The following PTPRT variants were observed in gnomAD, a reference collection of about 807,000 sequenced individuals.
The protein encoded by PTPRT is protein tyrosine phosphatase receptor type T.
In PTPRT, 56 loss-of-function variants were observed where a neutral mutation model predicts 176.8. The ratio of observed to expected loss-of-function variants is 0.32; its 90% CI spans 0.26 to 0.40. The LOEUF (loss-of-function observed/expected upper bound fraction) is 0.40. PTPRT is among the 10% of genes least tolerant of loss of function. PTPRT has a pLI of 1.00. For missense variants in PTPRT, 1,540 were observed against 1,908.2 expected (o/e 0.81, Z 3.60); for synonymous variants, 783 against 739.0 (o/e 1.06, Z -0.96).
At chr20:42,094,851 CA>C (rs1409558881) in intron 27 of PTPRT, among the ~76,000 whole-genome samples, 12 of 152,134 alleles carry the variant, frequency 7.9e-5, no homozygotes, top group African/African-American at 2.9e-4. Flanking sequence ...CACTGCACTC[CA>C]GCCTGGGCGA....
At chr20:42,747,704 G>A (rs1050777503) in intron 6 of PTPRT, among the ~76,000 whole-genome samples, 1 of 152,188 alleles carries the variant, frequency 6.6e-6, no homozygotes, top group Admixed American at 6.5e-5. Flanking sequence ...AACTAGTTTG[G>A]TGTGGTTCAA....
intron 24 of PTPRT, 123 bp downstream of exon 24, chr20:42,106,663 C>T: frequency 7.5e-7 from 1 of 1,330,766 alleles, no homozygotes. Flanking sequence ...CTCCCTCCTG[C>T]TTCTCTCACA....
intron 16 of PTPRT, among the ~76,000 whole-genome samples, chr20:42,185,661 T>A (rs1030238208): frequency 5.3e-5 from 8 of 152,340 alleles, no homozygotes; most frequent in African/African-American, 1.7e-4. Flanking sequence ...GTGTGTGATG[T>A]CAGTTGTACT....
the PTPRT span, among the ~76,000 whole-genome samples, chr20:42,067,463 C>A: frequency 1.1e-5 from 1 of 89,492 alleles, no homozygotes; most frequent in South Asian, 5.2e-4. Context: ...TGCATGGATC[C>A]CAGATCCACA....
intron 7 of PTPRT, among the ~76,000 whole-genome samples, chr20:42,592,757 C>G (rs2073602586): frequency 6.6e-6 from 1 of 152,158 alleles, no homozygotes; most frequent in Non-Finnish European, 1.5e-5. Context: ...TTTCTGCTTC[C>G]TGGTTTCCAT....
intron 18 of PTPRT, among the ~76,000 whole-genome samples, chr20:42,136,867 T>A (rs1170720908): frequency 6.6e-6 from 1 of 152,172 alleles, no homozygotes; most frequent in Non-Finnish European, 1.5e-5. Flanking sequence ...ATTCAGCAAG[T>A]TGCCATTGTA....
intron 7 of PTPRT, among the ~76,000 whole-genome samples, chr20:42,666,505 C>G (rs2075319570): frequency 6.6e-6 from 1 of 152,106 alleles, no homozygotes; most frequent in Non-Finnish European, 1.5e-5. Flanking sequence ...TGACTTCTTT[C>G]TCCTGTATTT....
intron 2 of PTPRT, among the ~76,000 whole-genome samples, chr20:42,819,903 C>T (rs2145650863): frequency 6.6e-6 from 1 of 152,252 alleles, no homozygotes. Flanking sequence ...AATACAGGAG[C>T]ACCCAGATTC....
chr20:43,057,845 G>T (rs897570913), intron 1 of PTPRT, among the ~76,000 whole-genome samples: 3 of 152,180 alleles, frequency 2.0e-5, no homozygotes, highest in Non-Finnish European at 4.4e-5. Flanking sequence ...TTAGTCACAT[G>T]ATTATTTGTT....
At chr20:42,897,829 G>A (rs986249423) in intron 1 of PTPRT, among the ~76,000 whole-genome samples, 12 of 152,182 alleles carry the variant, frequency 7.9e-5, no homozygotes, top group Non-Finnish European at 1.6e-4. Flanking sequence ...TCTTAAGGCT[G>A]TTATGAGGAT....
At chr20:42,138,724 T>A (rs184869664) in intron 18 of PTPRT, among the ~76,000 whole-genome samples, 7 of 152,328 alleles carry the variant, frequency 4.6e-5, no homozygotes, top group Admixed American at 3.3e-4. Context: ...TACCCATTCA[T>A]TTCCTTCCCT....
intron 7 of PTPRT, among the ~76,000 whole-genome samples, chr20:42,549,730 G>A (rs965289981): frequency 2.6e-5 from 4 of 152,120 alleles, no homozygotes; most frequent in African/African-American, 7.2e-5. Flanking sequence ...TGAATGGGAG[G>A]GGAAGGTTGT....
intron 7 of PTPRT, among the ~76,000 whole-genome samples, chr20:42,492,741 TGGGGA>T (rs1347696858): frequency 6.6e-6 from 1 of 152,174 alleles, no homozygotes; most frequent in East Asian, 1.9e-4. Flanking sequence ...GCATAACAGT[TGGGGA>T]ACATGCTCTG....
intron 12 of PTPRT, among the ~76,000 whole-genome samples, chr20:42,308,575 T>G (rs969557384): frequency 2.0e-5 from 3 of 152,162 alleles, no homozygotes; most frequent in African/African-American, 7.2e-5. Context: ...GAACAAATAG[T>G]CCAACTGTAA....
At chr20:42,741,173 G>C (rs950406710) in intron 6 of PTPRT, among the ~76,000 whole-genome samples, 3 of 152,140 alleles carry the variant, frequency 2.0e-5, no homozygotes, top group Non-Finnish European at 4.4e-5. Flanking sequence ...TAGGCACAAA[G>C]GTAAGAGAGA....
At chr20:42,368,909 A>G (rs1006341249) in intron 9 of PTPRT, among the ~76,000 whole-genome samples, 6 of 152,070 alleles carry the variant, frequency 3.9e-5, no homozygotes, top group Admixed American at 3.3e-4. Context: ...CAGTGTCTCA[A>G]CCATACTGCC....
chr20:42,386,347 T>TA (rs11480392), intron 9 of PTPRT, among the ~76,000 whole-genome samples: 2,999 of 151,798 alleles, frequency 0.02, 93 homozygotes, highest in African/African-American at 0.07. Context: ...CCCAGGAGTT[T>TA]AAAAAAGAAA....
intron 8 of PTPRT, among the ~76,000 whole-genome samples, chr20:42,461,468 C>G (rs1040174169): frequency 2.0e-5 from 3 of 152,098 alleles, no homozygotes; most frequent in Non-Finnish European, 2.9e-5. Context: ...GCCCAGGAGT[C>G]AGAGGATACA....
At chr20:42,926,084 C>T (rs920645360) in intron 1 of PTPRT, among the ~76,000 whole-genome samples, 6 of 152,186 alleles carry the variant, frequency 3.9e-5, no homozygotes, top group East Asian at 3.9e-4. Flanking sequence ...CCCACTGACT[C>T]GGGGCTGCCT....
Sources: allele counts gnomAD v4.1 joint callset (sites outside exome capture counted in the v4.1 genomes callset), GRCh38; gene constraint gnomAD v4.1.1; transcripts MANE v1.5; gene names NCBI Gene and HGNC (gene_info 2026-07-23, HGNC 2026-07-21).